Variants in AKAP3 observed in about 807,000 individuals in gnomAD.
AKAP3 encodes A-kinase anchoring protein 3, also known as A-kinase anchor protein 3.
In AKAP3, 27 loss-of-function variants were observed where a neutral mutation model predicts 57.2. The ratio of observed to expected loss-of-function variants is 0.47; its 90% confidence interval spans 0.35 to 0.65. The LOEUF (loss-of-function observed/expected upper bound fraction) is 0.65. AKAP3 is among the 30% of genes least tolerant of loss of function. The pLI, the probability that AKAP3 is intolerant of heterozygous loss-of-function variation, is 0.01. For synonymous variants in AKAP3, 334 were observed against 392.3 expected (o/e 0.85, Z 1.76); for missense variants, 959 against 1,040.0 (o/e 0.92, Z 1.07).
chr12:4,637,747 C>A (rs888774029), intron 4 of AKAP3, among the ~76,000 whole-genome samples: 1 of 152,010 alleles, frequency 6.6e-6, no homozygotes, highest in African/African-American at 2.4e-5. Flanking sequence ...TTTCTATAAG[C>A]CTTGGAGACA....
At chr12:4,631,217 A>G in intron 4 of AKAP3, 1 of 580,470 alleles carries the variant, frequency 1.7e-6, no homozygotes, top group South Asian at 2.2e-5. Context: ...ATGTCTGACC[A>G]TTTGGTAATC....
At chr12:4,631,499 T>C (rs1402565223) in intron 4 of AKAP3, 21 of 588,598 alleles carry the variant, frequency 3.6e-5, no homozygotes, top group Non-Finnish European at 5.7e-5. Context: ...ATTCAAAAAA[T>C]GTTAGATGTA....
chr12:4,619,961 C>T, intron 5 of AKAP3, among the ~76,000 whole-genome samples: 1 of 152,012 alleles, frequency 6.6e-6, no homozygotes, highest in Admixed American at 6.5e-5. Flanking sequence ...CAAGGAAAGG[C>T]AAATTTATAA....
chr12:4,624,313 TTACG>T (rs1945382236), intron 5 of AKAP3, among the ~76,000 whole-genome samples: 1 of 112,078 alleles, frequency 8.9e-6, no homozygotes, highest in African/African-American at 3.4e-5. Flanking sequence ...ATTTGTGACT[TTACG>T]TGTGTGTGTG....
At chr12:4,638,043 C>T in intron 4 of AKAP3, 58 bp downstream of exon 4, 1 of 1,383,288 alleles carries the variant, frequency 7.2e-7, no homozygotes, top group Non-Finnish European at 1.0e-6. Flanking sequence ...AATAAGGCTA[C>T]TCTTAATGAC....
Position 4,626,947 on chromosome 12 carries a change from C to G in AKAP3, c.1955G>C (p.Gly652Ala), listed in dbSNP as rs141092608. The change falls in exon 5 of 6, where the codon GGG becomes GCG. Residue 652 changes from glycine (G) to alanine (A), a missense_variant. Physicochemically the swap from Gly to Ala is moderately conservative, Grantham distance 60. Transcript: ENST00000228850. ...EDDETPGALSGLTKMAVSQID... is the reference protein window; with the variant it reads ...EDDETPGALSALTKMAVSQID... ...CTGGCTGACAGCCATCTTGGTCAGC[C>G]CAGAAAGGGCACCAGGGGTCTCATC... 2.7e-5 allele frequency: 44 copies of G among 1,614,052 alleles called. No individual in the cohort carries two copies. The African/African-American group carries it at 4.4e-4, about 16-fold the overall frequency.
rs772869615 is a variant in AKAP3 at position 4,628,229 on chromosome 12, T to C, written c.673A>G (p.Lys225Glu). 2.7e-5 allele frequency: 43 copies of C among 1,614,132 alleles called. No homozygotes were observed. The highest frequency in any genetic ancestry group is 3.6e-5 in the Non-Finnish European group (43 of 1,179,988). Residue 225 changes from lysine (K) to glutamate (E), a missense_variant, in exon 5 of 6, where the codon AAA becomes GAA. By Grantham distance (56) the Lys-to-Glu change is moderately conservative. Transcript: ENST00000228850. ...TTGTCATCTGGACCCTGTCTTTCTT[T>C]GGTGCTCTCCTTGATCTTCAAAGTG... is the stretch of plus-strand genomic sequence containing the variant. ...KSTLKIKEST[K>E]ERQGPDDKPP...
intron 4 of AKAP3, among the ~76,000 whole-genome samples, chr12:4,629,057 A>G (rs1264444424): frequency 6.6e-6 from 1 of 152,192 alleles, no homozygotes; most frequent in East Asian, 1.9e-4. Context: ...CTTTTTACAG[A>G]GGAGGAAATT....
chr12:4,645,292 G>A (rs1945685506), intron 1 of AKAP3, 100 bp from the exon 2 acceptor site: 1 of 152,318 alleles, frequency 6.6e-6, no homozygotes, highest in Non-Finnish European at 1.5e-5. Flanking sequence ...ACAAAGAGGA[G>A]GGGTGAAGAT....
At chr12:4,616,585 G>T (rs921531967) in intron 5 of AKAP3, among the ~76,000 whole-genome samples, 2 of 152,140 alleles carry the variant, frequency 1.3e-5, no homozygotes, top group Non-Finnish European at 2.9e-5. Context: ...AGCCTCTTCA[G>T]AAAGAGAAAT....
chr12:4,624,086 AT>A (rs1324297576), intron 5 of AKAP3, among the ~76,000 whole-genome samples: 2 of 152,184 alleles, frequency 1.3e-5, no homozygotes, highest in Non-Finnish European at 2.9e-5. Context: ...GTGCAAAATT[AT>A]GTATATTCAA....
chr12:4,625,560 A>G lies in AKAP3; in HGVS notation c.2406+936T>C, dbSNP rs1402139157. On this transcript the variant is annotated intron_variant, in intron 5 of 5. Coordinates refer to ENST00000228850, the MANE Select transcript of AKAP3 (RefSeq NM_001278309.2). This position sits in a 1 kb window ranked among gnomAD's most constrained non-coding sequence, Gnocchi z 5.4. The stretch of plus-strand genomic sequence containing the variant: ...AAAGCCTGTTTTTCCTTATCTTCTG[A>G]TTCCTATGATGATGAAATTTTCTAA... Among the ~76,000 whole-genome samples, 2 of 152,156 alleles carry G rather than the reference A, an allele frequency of 1.3e-5. No homozygotes were observed. The highest frequency in any genetic ancestry group is 1.5e-5 in the Non-Finnish European group (1 of 68,030).
intron 3 of AKAP3, among the ~76,000 whole-genome samples, chr12:4,640,981 G>GA (rs1945629739): frequency 6.8e-6 from 1 of 148,118 alleles, no homozygotes; most frequent in African/African-American, 2.5e-5. Context: ...CAGACTCTGT[G>GA]AAAAAGACTG....
intron 5 of AKAP3, among the ~76,000 whole-genome samples, chr12:4,624,691 A>G (rs1361336235): frequency 6.6e-6 from 1 of 152,048 alleles, no homozygotes; most frequent in Non-Finnish European, 1.5e-5. Context: ...TTAAAAATAT[A>G]CTAATATTCA....
At chr12:4,631,187 A>G (rs1945493353) in intron 4 of AKAP3, 1 of 530,046 alleles carries the variant, frequency 1.9e-6, no homozygotes, top group Non-Finnish European at 3.3e-6. Flanking sequence ...GGTGGCAGCA[A>G]TGATTGGAAA....
intron 3 of AKAP3, 123 bp downstream of exon 3, chr12:4,641,776 A>C (rs1413178033): frequency 2.6e-5 from 4 of 152,230 alleles, no homozygotes; most frequent in Non-Finnish European, 5.9e-5. Flanking sequence ...TTTCATCCAA[A>C]TGAGTTACTC....
chr12:4,627,111 G>C lies in AKAP3; in HGVS notation c.1791C>G (p.Phe597Leu). The change falls in exon 5 of 6, where the codon TTC (phenylalanine) becomes TTG (leucine). Residue 597 changes from phenylalanine (F) to leucine (L), a missense_variant. Physicochemically the swap from Phe to Leu is conservative, Grantham distance 22. Coordinates refer to ENST00000228850, the MANE Select transcript of AKAP3 (RefSeq NM_001278309.2). The part of the protein sequence containing the change: ...KKDLRSVFFN[F>L]IRNLLSETIF... ...TGGTCTCACTAAGTAAGTTCCGGAT[G>C]AAATTAAAGAAAACACTCCTTAGGT... 1 of 1,614,152 alleles carries C rather than the reference G, an allele frequency of 6.2e-7. No homozygotes were observed.
At chr12:4,623,670 CAAAAT>C (rs3083729) in intron 5 of AKAP3, among the ~76,000 whole-genome samples, 120,240 of 151,436 alleles carry the variant, frequency 0.79, 48,299 homozygotes, top group East Asian at 0.86. Flanking sequence ...ACCTGGGTGA[CAAAAT>C]AAGCTGTACA....
chr12:4,642,684 T>A (rs1329262478), intron 2 of AKAP3, among the ~76,000 whole-genome samples: 1 of 152,228 alleles, frequency 6.6e-6, no homozygotes. Context: ...CATCATATTT[T>A]GTTTCAATGT....
Sources: gnomAD v4.1 joint callset for allele counts (sites outside exome capture counted in the v4.1 genomes callset) on GRCh38, gnomAD v4.1.1 for gene constraint, Gnocchi (gnomAD v3.1) non-coding constraint, MANE v1.5 for transcripts, NCBI Gene and HGNC (gene_info 2026-07-23, HGNC 2026-07-21) for gene names.